The following ADAMTS16 variants were observed in gnomAD, a reference collection of about 807,000 sequenced individuals.
ADAMTS16 encodes ADAM metallopeptidase with thrombospondin type 1 motif 16, also known as A disintegrin and metalloproteinase with thrombospondin motifs 16.
A neutral mutation model predicts 145.8 loss-of-function variants in ADAMTS16; 94 were observed. The observed-to-expected ratio is 0.64, with a 90% confidence interval of 0.55 to 0.77. The LOEUF (loss-of-function observed/expected upper bound fraction) is 0.77. Ranked by LOEUF, ADAMTS16 falls within the 30% of genes least tolerant of loss-of-function variation. The pLI is 0.00. For synonymous variants in ADAMTS16, 659 were observed against 604.3 expected (o/e 1.09, Z -1.33); for missense variants, 1,585 against 1,591.5 (o/e 1.00, Z 0.07).
chr5:5,240,504 G>A (rs546571957), intron 16 of ADAMTS16, among the ~76,000 whole-genome samples: 1 of 152,332 alleles, frequency 6.6e-6, no homozygotes, highest in South Asian at 2.1e-4. Flanking sequence ...CCTCGCATGC[G>A]ACTGTGCAGA....
intron 10 of ADAMTS16, among the ~76,000 whole-genome samples, chr5:5,216,468 C>T (rs1736444828): frequency 6.6e-6 from 1 of 152,030 alleles, no homozygotes; most frequent in South Asian, 2.1e-4. Context: ...TTCTCTCACA[C>T]TGTGGATTGT....
At chr5:5,262,110 C>T (rs1738055866) in intron 17 of ADAMTS16, among the ~76,000 whole-genome samples, 1 of 152,228 alleles carries the variant, frequency 6.6e-6, no homozygotes, top group South Asian at 2.1e-4. Context: ...AAACAAACTT[C>T]TATTTCCATT....
At chr5:5,249,196 C>A (rs763423003) in intron 17 of ADAMTS16, among the ~76,000 whole-genome samples, 1 of 152,122 alleles carries the variant, frequency 6.6e-6, no homozygotes, top group Non-Finnish European at 1.5e-5. Context: ...CTTGAGCAAG[C>A]AAATTACATG....
intron 18 of ADAMTS16, among the ~76,000 whole-genome samples, chr5:5,290,925 G>A (rs867822288): frequency 1.3e-5 from 2 of 152,060 alleles, no homozygotes; most frequent in African/African-American, 2.4e-5. Context: ...CTCTTCGGGC[G>A]TCACTGAGAT....
chr5:5,264,132 G>A (rs1738141702), intron 18 of ADAMTS16, among the ~76,000 whole-genome samples: 1 of 152,100 alleles, frequency 6.6e-6, no homozygotes, highest in South Asian at 2.1e-4. Flanking sequence ...TATTGGAAAG[G>A]GCAACATTTG....
intron 3 of ADAMTS16, among the ~76,000 whole-genome samples, chr5:5,154,391 G>A (rs1202108938): frequency 1.3e-5 from 2 of 152,198 alleles, no homozygotes; most frequent in African/African-American, 4.8e-5. Context: ...AATTACATAA[G>A]AATAAATATA....
chr5:5,299,094 G>A (rs993147229), intron 18 of ADAMTS16, among the ~76,000 whole-genome samples: 2 of 152,212 alleles, frequency 1.3e-5, no homozygotes, highest in African/African-American at 4.8e-5. Flanking sequence ...TCAATGCCTC[G>A]TGTAGGTTTG....
At chr5:5,225,683 T>C (rs562696276) in intron 11 of ADAMTS16, among the ~76,000 whole-genome samples, 10 of 152,114 alleles carry the variant, frequency 6.6e-5, no homozygotes, top group African/African-American at 2.4e-4. Context: ...AGCAGTTGCA[T>C]TCTTTGGAAG....
At chr5:5,160,944 G>A (rs1338973856) in intron 3 of ADAMTS16, among the ~76,000 whole-genome samples, 1 of 152,066 alleles carries the variant, frequency 6.6e-6, no homozygotes, top group Non-Finnish European at 1.5e-5. Context: ...GTCTTAAAGT[G>A]TTAACTATCT....
At chr5:5,199,526 G>A (rs867284329) in intron 8 of ADAMTS16, among the ~76,000 whole-genome samples, 5 of 152,154 alleles carry the variant, frequency 3.3e-5, no homozygotes, top group Non-Finnish European at 4.4e-5. Context: ...AGCACAGCCC[G>A]CCCATCACAG....
At position 5,306,646 on chromosome 5, in the gene ADAMTS16, C is replaced by T. The variant is rs750959529; in HGVS notation, c.3329C>T (p.Ala1110Val). 4 of 1,614,156 alleles carry T rather than the reference C, an allele frequency of 2.5e-6. No homozygotes were observed. Among genetic ancestry groups the T allele is most frequent in the Non-Finnish European group, 2.5e-6 (3 of 1,180,030 alleles). ...AGCCTGGAGCTGGAACGTGCCTGCG[C>T]CCCGCTTCCATGCCCCAGGCACCCC... ...KPSLELERAC[A>V]PLPCPRHPPF... Residue 1110 changes from alanine to valine, a missense_variant, in exon 21 of 23, where the codon GCC becomes GTC. Around this residue, in one of 3 missense-constraint regions of ADAMTS16, gnomAD observed 834 missense variants for 811.7 expected, o/e 1.03. Transcript: ENST00000274181.
At chr5:5,288,405 A>G (rs1166397353) in intron 18 of ADAMTS16, among the ~76,000 whole-genome samples, 1 of 152,254 alleles carries the variant, frequency 6.6e-6, no homozygotes, top group African/African-American at 2.4e-5. Flanking sequence ...GGTGAGAGGC[A>G]GGAAAAGATA....
intron 3 of ADAMTS16, among the ~76,000 whole-genome samples, chr5:5,163,012 G>A (rs1288819854): frequency 1.3e-5 from 2 of 152,142 alleles, no homozygotes; most frequent in Non-Finnish European, 2.9e-5. Flanking sequence ...AGCCAAAAAT[G>A]CTCGTGGAGA....
chr5:5,166,274 C>T (rs576456853), intron 3 of ADAMTS16, among the ~76,000 whole-genome samples: 1 of 152,026 alleles, frequency 6.6e-6, no homozygotes, highest in East Asian at 1.9e-4. Flanking sequence ...AACACACATA[C>T]ATACACACAC....
chr5:5,158,514 A>C (rs982494500), intron 3 of ADAMTS16, among the ~76,000 whole-genome samples: 1 of 152,144 alleles, frequency 6.6e-6, no homozygotes, highest in African/African-American at 2.4e-5. Context: ...ATCAGCCATC[A>C]TGCAGGTCCA....
chr5:5,207,422 C>T (rs1470977412), intron 9 of ADAMTS16, among the ~76,000 whole-genome samples: 1 of 152,022 alleles, frequency 6.6e-6, no homozygotes, highest in Non-Finnish European at 1.5e-5. Context: ...CTTATTAGTT[C>T]CAGGAGTTGC....
chr5:5,176,955 A>T (rs180814192), intron 3 of ADAMTS16, among the ~76,000 whole-genome samples: 1 of 152,300 alleles, frequency 6.6e-6, no homozygotes, highest in East Asian at 1.9e-4. Context: ...TAGCCAGGCC[A>T]CAAGATCCAG....
At chr5:5,173,421 T>C (rs1051320716) in intron 3 of ADAMTS16, among the ~76,000 whole-genome samples, 1 of 152,120 alleles carries the variant, frequency 6.6e-6, no homozygotes, top group African/African-American at 2.4e-5. Flanking sequence ...TTTGTACTTT[T>C]TTTTTTATTT....
At chr5:5,239,975 G>A (rs756926880) in intron 16 of ADAMTS16, 50 bp downstream of exon 16, 5 of 1,601,836 alleles carry the variant, frequency 3.1e-6, no homozygotes, top group Non-Finnish European at 4.3e-6. Context: ...GGGTGTTCTG[G>A]TGTCTGTGTA....
Sources: gnomAD v4.1 joint callset for allele counts (sites outside exome capture counted in the v4.1 genomes callset) on GRCh38, gnomAD v4.1.1 for gene constraint, gnomAD v4.1.1 regional missense constraint, MANE v1.5 for transcripts, NCBI Gene and HGNC (gene_info 2026-07-23, HGNC 2026-07-21) for gene names.